SLC35F4: variants seen among roughly 807,000 people sequenced by gnomAD.
The protein encoded by SLC35F4 is solute carrier family 35 member F4, also known as chromosome 14 open reading frame 36.
SLC35F4 carries 24 observed loss-of-function variants against 44.2 expected under a neutral mutation model. That is an observed-to-expected ratio of 0.54 (90% CI 0.39 to 0.76). The LOEUF (loss-of-function observed/expected upper bound fraction) is 0.76. Ranked by LOEUF, SLC35F4 falls within the 30% of genes least tolerant of loss-of-function variation. SLC35F4 has a pLI of 0.00. For synonymous variants in SLC35F4, 238 were observed against 223.6 expected, an observed-to-expected ratio of 1.06 and a Z score of -0.57; for missense variants, 562 against 586.1, an observed-to-expected ratio of 0.96 and a Z score of 0.42.
At chr14:57,610,427 G>A (rs1346209841) in intron 1 of SLC35F4, among the ~76,000 whole-genome samples, 3 of 152,092 alleles carry the variant, frequency 2.0e-5, no homozygotes, top group African/African-American at 4.8e-5. Flanking sequence ...CTGACTGCGC[G>A]GGGTCTGTGA....
intron 1 of SLC35F4, among the ~76,000 whole-genome samples, chr14:57,605,079 A>G (rs1028706198): frequency 2.2e-4 from 16 of 73,050 alleles, no homozygotes; most frequent in African/African-American, 6.3e-4. Flanking sequence ...CCCAAAAGCA[A>G]TTGAAAACAA....
chr14:57,597,291 CCTT>C (rs1222732769), intron 1 of SLC35F4, among the ~76,000 whole-genome samples: 3 of 152,184 alleles, frequency 2.0e-5, no homozygotes, highest in Non-Finnish European at 4.4e-5. Flanking sequence ...GGTCCCCTAT[CCTT>C]CTTAAAGACA....
chr14:57,675,265 A>C (rs11622846), intron 1 of SLC35F4, among the ~76,000 whole-genome samples: 20,627 of 152,014 alleles, frequency 0.14, 1,740 homozygotes, highest in African/African-American at 0.22. Context: ...TATATCACAC[A>C]AAAGACTAAA....
intron 1 of SLC35F4, among the ~76,000 whole-genome samples, chr14:57,943,004 C>T (rs1445226402): frequency 5.3e-5 from 8 of 152,140 alleles, no homozygotes; most frequent in Non-Finnish European, 8.8e-5. Flanking sequence ...TTTTTAAAAG[C>T]CAGAACTCCA....
chr14:57,623,101 T>G (rs953438261), intron 1 of SLC35F4, among the ~76,000 whole-genome samples: 1 of 151,746 alleles, frequency 6.6e-6, no homozygotes, highest in Non-Finnish European at 1.5e-5. Context: ...GGCTCTAAAA[T>G]AAGAGATGGA....
chr14:57,957,303 G>A (rs74754128), intron 1 of SLC35F4, among the ~76,000 whole-genome samples: 5 of 152,108 alleles, frequency 3.3e-5, no homozygotes, highest in African/African-American at 1.2e-4. Context: ...GTAGGGGCTA[G>A]GGGAGGGATA....
At chr14:57,654,747 T>C (rs752237404) in intron 1 of SLC35F4, among the ~76,000 whole-genome samples, 18 of 152,182 alleles carry the variant, frequency 1.2e-4, no homozygotes, top group Non-Finnish European at 2.5e-4. Flanking sequence ...TCCATGAGCA[T>C]GGCCTTATTT....
chr14:57,833,356 G>A (rs892641145), intron 1 of SLC35F4, among the ~76,000 whole-genome samples: 3 of 152,184 alleles, frequency 2.0e-5, no homozygotes, highest in African/African-American at 7.2e-5. Flanking sequence ...CTGAAAATCA[G>A]TACAGATTAC....
intron 1 of SLC35F4, among the ~76,000 whole-genome samples, chr14:57,716,064 A>G (rs2075932185): frequency 6.6e-6 from 1 of 152,226 alleles, no homozygotes; most frequent in Non-Finnish European, 1.5e-5. Context: ...AAGAACCTAC[A>G]GTGAGAGCTG....
At chr14:57,740,093 CA>C (rs1247187429) in intron 1 of SLC35F4, among the ~76,000 whole-genome samples, 1 of 152,102 alleles carries the variant, frequency 6.6e-6, no homozygotes, top group Non-Finnish European at 1.5e-5. Flanking sequence ...CTTCTGGCCT[CA>C]AGTGATCCAC....
Position 57,670,322 on chromosome 14 carries a change from CTATT to C in SLC35F4, c.104-76202_104-76199del, listed in dbSNP as rs577625118. The stretch of plus-strand genomic sequence containing the variant: ...ATTTTTTGAAGGGTTTTTTGTGTCT[CTATT>C]TCCTTCAGTTGTGCTCAGATCTTAA... On this transcript the variant is annotated intron_variant, in intron 1 of 7. Transcript: ENST00000556826. Among the ~76,000 whole-genome samples the C allele has an allele frequency of 1.4e-4, 22 of 152,186 alleles. No homozygotes were observed. The South Asian group carries it at 4.6e-3, about 32-fold the overall frequency.
At chr14:57,654,603 A>G (rs1275322444) in intron 1 of SLC35F4, among the ~76,000 whole-genome samples, 1 of 152,224 alleles carries the variant, frequency 6.6e-6, no homozygotes, top group Non-Finnish European at 1.5e-5. Context: ...CTCTGGGTAG[A>G]TACCCATAGT....
At chr14:57,629,215 T>G (rs1192935951) in intron 1 of SLC35F4, among the ~76,000 whole-genome samples, 1 of 152,266 alleles carries the variant, frequency 6.6e-6, no homozygotes, top group African/African-American at 2.4e-5. Context: ...CTGAAAATGT[T>G]ACTGAAAGCT....
intron 1 of SLC35F4, among the ~76,000 whole-genome samples, chr14:57,937,575 A>AAAAGAAAGAAAAGAAAG (rs1402444793): frequency 1.6e-5 from 2 of 128,764 alleles, no homozygotes; most frequent in African/African-American, 5.6e-5. Context: ...AAAAGAAAAG[A>AAAAGAAAGAAAAGAAAG]GAAAAGAAAA....
chr14:57,684,201 C>T (rs1472171735), intron 1 of SLC35F4, among the ~76,000 whole-genome samples: 1 of 152,078 alleles, frequency 6.6e-6, no homozygotes, highest in East Asian at 1.9e-4. Context: ...ATGATATTGC[C>T]ACCTTCTTCC....
At position 57,581,443 on chromosome 14, in the gene SLC35F4, A is replaced by G. The variant is rs2069249353; in HGVS notation, c.588-10T>C. The G allele has an allele frequency of 6.3e-7, 1 of 1,599,456 alleles. No individual in the cohort carries two copies. The highest frequency in any genetic ancestry group is 1.3e-5 in the African/African-American group (1 of 74,552). ...AATCCGACTGCATTCCCTAGGAAAGAAAAGAGAAGTTAATATCCAGGTACT... is the reference window on the plus strand; with the variant it reads ...AATCCGACTGCATTCCCTAGGAAAGGAAAGAGAAGTTAATATCCAGGTACT... On this transcript the variant is annotated splice_polypyrimidine_tract_variant and intron_variant, in intron 3 of 7. Coordinates refer to ENST00000556826, the MANE Select transcript of SLC35F4 (RefSeq NM_001306087.2).
At chr14:57,711,397 A>G (rs2075815008) in intron 1 of SLC35F4, among the ~76,000 whole-genome samples, 1 of 152,154 alleles carries the variant, frequency 6.6e-6, no homozygotes, top group East Asian at 1.9e-4. Flanking sequence ...GAATGGACTG[A>G]TACACATGGG....
intron 1 of SLC35F4, among the ~76,000 whole-genome samples, chr14:57,880,088 GGAAGGAAGGAAGGAAGGAA>G (rs1209534207): frequency 7.6e-6 from 1 of 130,840 alleles, no homozygotes; most frequent in Non-Finnish European, 1.7e-5. Flanking sequence ...AAGGAAGGAA[GGAAGGAAGGAAGGAAGGAA>G]GGACAGTAGA....
intron 1 of SLC35F4, chr14:57,630,514 T>C (rs1258949216): frequency 2.7e-6 from 3 of 1,098,382 alleles, no homozygotes; most frequent in Admixed American, 3.5e-5. Flanking sequence ...ACACCAAAAC[T>C]AGAGGCACCT....
Sources: gnomAD v4.1 joint callset for allele counts (sites outside exome capture counted in the v4.1 genomes callset) on GRCh38, gnomAD v4.1.1 for gene constraint, MANE v1.5 for transcripts, NCBI Gene and HGNC (gene_info 2026-07-23, HGNC 2026-07-21) for gene names.